The following CARMIL3 variants were observed in gnomAD, a reference collection of about 807,000 sequenced individuals.
CARMIL3 encodes capping protein regulator and myosin 1 linker 3.
Under a neutral mutation model 180.8 loss-of-function variants are expected in CARMIL3, and 88 were observed. That is an observed-to-expected ratio of 0.49 (90% CI 0.41 to 0.58). The LOEUF (loss-of-function observed/expected upper bound fraction) is 0.58. Ranked by LOEUF, CARMIL3 falls within the 20% of genes least tolerant of loss-of-function variation. CARMIL3 has a pLI of 0.00. For missense variants in CARMIL3, 1,548 were observed against 1,787.0 expected (o/e 0.87, Z 2.41); for synonymous variants, 696 against 714.5 (o/e 0.97, Z 0.41).
At chr14:24,067,757 C>A (rs1290619107) in intron 36 of CARMIL3, among the ~76,000 whole-genome samples, 1 of 152,290 alleles carries the variant, frequency 6.6e-6, no homozygotes, top group Non-Finnish European at 1.5e-5. Flanking sequence ...TGCACACACA[C>A]CTCACAGATC....
rs537965460 is a variant in CARMIL3 at position 24,068,923 on chromosome 14, G to A, written c.3939G>A (p.Leu1313=). ...DAAPGVNKPR[L]RLSSQQDQEE... is the part of the protein sequence containing the mutation. ...CTCCAGGAGTCAACAAACCCCGGCT[G>A]AGGCTGAGCTCACAGCAAGACCAAG... The change falls in exon 38 of 40, where the codon CTG becomes CTA. Residue 1313 remains leucine (L), a synonymous_variant. Coordinates refer to ENST00000342740, the MANE Select transcript of CARMIL3 (RefSeq NM_138360.4). 6.3e-7 allele frequency: 1 copy of A among 1,587,578 alleles called. No individual in the cohort carries two copies. Among genetic ancestry groups the A allele is most frequent in the African/African-American group, 1.3e-5 (1 of 74,498 alleles).
rs1295243684 is a variant in CARMIL3, at chr14:24,054,317, T to G, written c.246+16T>G. 1.2e-6 allele frequency: 2 copies of G among 1,614,110 alleles called. No individual in the cohort carries two copies. The highest frequency in any genetic ancestry group is 4.5e-5 in the East Asian group (2 of 44,872). On this transcript the variant is annotated intron_variant, in intron 4 of 39. Coordinates refer to ENST00000342740, the MANE Select transcript of CARMIL3 (RefSeq NM_138360.4). The surrounding 1 kb of genome is among the most constrained non-coding windows in gnomAD (Gnocchi z 5.1). ...TCAGAATCAGGTGAGTACCAGGGCT[T>G]TGGGCCCCACTACTGGGCCAGCTGG... is the stretch of plus-strand genomic sequence containing the variant.
At position 24,065,071 on chromosome 14, in the gene CARMIL3, A is replaced by G. The variant is rs2035771375; in HGVS notation, c.3194A>G (p.Lys1065Arg). ...CACTTTCGCCGGCCCCGGAGCTTCAAGGGGGACAGGGGGCCGGGGTCCCCT... is the reference window on the plus strand; with the variant it reads ...CACTTTCGCCGGCCCCGGAGCTTCAGGGGGGACAGGGGGCCGGGGTCCCCT... ...LFHFRRPRSFKGDRGPGSPTT... is the reference protein window; with the variant it reads ...LFHFRRPRSFRGDRGPGSPTT... Residue 1065 changes from lysine (K) to arginine (R), a missense_variant, in exon 33 of 40, where the codon AAG becomes AGG. Coordinates refer to ENST00000342740, the MANE Select transcript of CARMIL3 (RefSeq NM_138360.4). 1.3e-6 allele frequency: 2 copies of G among 1,592,882 alleles called. No homozygotes were observed. The highest frequency in any genetic ancestry group is 1.4e-5 in the African/African-American group (1 of 73,650).
chr14:24,059,713 A>G lies in CARMIL3; in HGVS notation c.1849A>G (p.Ile617Val), dbSNP rs769512376. ...TACATCTGCCCTGGGCTTCCTGGACATCGCAAGGGCCCTGGAGAGGTGAGT... is the reference window on the plus strand; with the variant it reads ...TACATCTGCCCTGGGCTTCCTGGACGTCGCAAGGGCCCTGGAGAGGTGAGT... ...NNTSALGFLDIARALESNHTL... is the reference protein window; with the variant it reads ...NNTSALGFLDVARALESNHTL... Residue 617 changes from isoleucine (I) to valine (V), a missense_variant, in exon 22 of 40, where the codon ATC becomes GTC. Physicochemically the swap from Ile to Val is conservative, Grantham distance 29. Transcript: ENST00000342740. This position sits in a 1 kb window ranked among gnomAD's most constrained non-coding sequence, Gnocchi z 6.3. The G allele has an allele frequency of 5.6e-6, 9 of 1,614,054 alleles. No individual in the cohort carries two copies. The highest frequency in any genetic ancestry group is 7.6e-6 in the Non-Finnish European group (9 of 1,179,994).
rs1384272046 is a variant in CARMIL3, at chr14:24,059,634, G to A, written c.1800-30G>A. 1 of 1,612,742 alleles carries A rather than the reference G, an allele frequency of 6.2e-7. No homozygotes were observed. On this transcript the variant is annotated intron_variant, in intron 21 of 39. Transcript: ENST00000342740. This position sits in a 1 kb window ranked among gnomAD's most constrained non-coding sequence, Gnocchi z 6.3. Reference sequence around the variant, plus strand: ...CCCTAGTAGGGACCCAGGAGGAGAGGTGCCAAACTGGTGCTTACCCTCCCC... The same window carrying A: ...CCCTAGTAGGGACCCAGGAGGAGAGATGCCAAACTGGTGCTTACCCTCCCC...
At position 24,069,512 on chromosome 14, in the gene CARMIL3, GC is replaced by G. The variant is rs1220841576; in HGVS notation, c.*109del. The G allele has an allele frequency of 1.1e-5, 16 of 1,450,384 alleles. No individual in the cohort carries two copies. In the African/African-American group the frequency reaches 2.1e-4, roughly 19 times the overall value. The allele number at this position is 1,450,384 out of a possible 1,614,324, so 89.8% of individuals were successfully genotyped here. A position where few individuals can be genotyped will look rare whatever the true frequency, so the allele number is the denominator to read the frequency against. On this transcript the variant is annotated 3_prime_UTR_variant, in exon 40 of 40. Coordinates refer to ENST00000342740, the MANE Select transcript of CARMIL3 (RefSeq NM_138360.4). ...CCCTGCCAGCCCCTGTCCTACAGGG[GC>G]AAGACGGCAGGACCAGGCATGGGGG...
intron 10 of CARMIL3, 145 bp downstream of exon 10, chr14:24,055,934 C>G: frequency 1.3e-6 from 1 of 794,240 alleles, no homozygotes; most frequent in Non-Finnish European, 2.1e-6. Flanking sequence ...AAAGAGGGCA[C>G]AAAGCAAGTC....
rs768635047 is a variant in CARMIL3, at chr14:24,054,361, G to A, written c.247-35G>A. On this transcript the variant is annotated intron_variant, in intron 4 of 39. Coordinates refer to ENST00000342740, the MANE Select transcript of CARMIL3 (RefSeq NM_138360.4). This position sits in a 1 kb window ranked among gnomAD's most constrained non-coding sequence, Gnocchi z 5.1. ...CAGCTGGAGGAGGGAGCAGAGAGGA[G>A]GGAGTCTGAGGCTCTGACGCTTCGT... 7 of 1,613,730 alleles carry A rather than the reference G, an allele frequency of 4.3e-6. No homozygotes were observed. In the East Asian group the frequency reaches 1.3e-4, roughly 31 times the overall value.
Position 24,057,884 on chromosome 14 carries a change from G to T in CARMIL3, c.1217+5G>T. 6.2e-7 allele frequency: 1 copy of T among 1,613,096 alleles called. No homozygotes were observed. ...TCGCAACAGCTGCTCCCACAGGTGGGAGAGGAGGGGGAAGGGAGGACAGGG... is the reference window on the plus strand; with the variant it reads ...TCGCAACAGCTGCTCCCACAGGTGGTAGAGGAGGGGGAAGGGAGGACAGGG... On this transcript the variant is annotated splice_donor_5th_base_variant and intron_variant, in intron 15 of 39. Transcript: ENST00000342740.
rs757219939 is a variant in CARMIL3 at position 24,055,138 on chromosome 14, T to A, written c.531+2T>A. The A allele has an allele frequency of 6.2e-7, 1 of 1,613,844 alleles. No individual in the cohort carries two copies. The highest frequency in any genetic ancestry group is 1.1e-5 in the South Asian group (1 of 91,062). On this transcript the variant is annotated splice_donor_variant, in intron 7 of 39. Transcript: ENST00000342740. LOFTEE classifies it high-confidence loss of function. Reference sequence around the variant, plus strand: ...CACTGCCGTGAGGAGGTTCAATGGGTATGTTGGGCAGGGACCCCATAGGGA... The same window carrying A: ...CACTGCCGTGAGGAGGTTCAATGGGAATGTTGGGCAGGGACCCCATAGGGA...
intron 11 of CARMIL3, 54 bp downstream of exon 11, chr14:24,056,447 C>A: frequency 6.4e-7 from 1 of 1,563,922 alleles, no homozygotes. Flanking sequence ...CCTGTCCTAG[C>A]CCAGAGCCCA....
intron 1 of CARMIL3, among the ~76,000 whole-genome samples, chr14:24,052,859 C>G (rs991431483): frequency 6.6e-6 from 1 of 152,186 alleles, no homozygotes; most frequent in Admixed American, 6.5e-5. Flanking sequence ...AGCCCAAACC[C>G]AGGCCCGGCC....
intron 33 of CARMIL3, 22 bp from the exon 34 acceptor site, chr14:24,065,600 T>C: frequency 1.3e-6 from 2 of 1,589,070 alleles, no homozygotes; most frequent in Non-Finnish European, 8.6e-7. Context: ...GAACTGCTAA[T>C]AAATAAGAGA....
chr14:24,063,637 A>G, intron 31 of CARMIL3, 104 bp downstream of exon 31: 1 of 1,159,410 alleles, frequency 8.6e-7, no homozygotes, highest in Non-Finnish European at 1.2e-6. Flanking sequence ...GCCTTGAGGG[A>G]TTGGGCAGGA....
chr14:24,059,932 C>T lies in CARMIL3; in HGVS notation c.1869-38C>T, dbSNP rs769777380. 2.5e-6 allele frequency: 4 copies of T among 1,609,966 alleles called. No homozygotes were observed. In the Admixed American group the frequency reaches 5.0e-5, roughly 20 times the overall value. ...AGAGGAGGCAGGGGCCTCCCATCCT[C>T]ACCTGTTCCCACCCAGCTGTGCCCC... On this transcript the variant is annotated intron_variant, in intron 22 of 39. Coordinates refer to ENST00000342740, the MANE Select transcript of CARMIL3 (RefSeq NM_138360.4). The surrounding 1 kb of genome is among the most constrained non-coding windows in gnomAD (Gnocchi z 6.3).
chr14:24,061,374 G>T lies in CARMIL3; in HGVS notation c.2305-123G>T. 1 of 1,020,836 alleles carries T rather than the reference G, an allele frequency of 9.8e-7. No homozygotes were observed. The highest frequency in any genetic ancestry group is 1.4e-6 in the Non-Finnish European group (1 of 709,786). 63.2% of individuals were successfully genotyped at this position (1,020,836 alleles called of 1,614,324 possible). A position where few individuals can be genotyped will look rare whatever the true frequency, so the allele number is the denominator to read the frequency against. Reference sequence around the variant, plus strand: ...CCAAGGCTCTGCCACTAACAGTTTTGTGACTTAGGCAGGTCCCTCAGTCTC... The same window carrying T: ...CCAAGGCTCTGCCACTAACAGTTTTTTGACTTAGGCAGGTCCCTCAGTCTC... On this transcript the variant is annotated intron_variant, in intron 26 of 39. Transcript: ENST00000342740. This position sits in a 1 kb window ranked among gnomAD's most constrained non-coding sequence, Gnocchi z 4.1.
In CARMIL3 at chr14:24,057,177, GT is replaced by G. The variant is rs766165585; in HGVS notation, c.1076del (p.Phe359SerfsTer67). ...LATDEANALY[S>X]FLAQPNALVH... ...TCCTTCCTACTCCAGGCCCTCTACA[GT>G]TTCCTGGCCCAACCCAACGCCCTGG... On this transcript the variant is annotated frameshift_variant, in exon 14 of 40. Transcript: ENST00000342740. LOFTEE classifies it high-confidence loss of function. 1 of 1,613,994 alleles carries G rather than the reference GT, an allele frequency of 6.2e-7. No homozygotes were observed. The highest frequency in any genetic ancestry group is 8.5e-7 in the Non-Finnish European group (1 of 1,179,928).
chr14:24,055,209 A>C, intron 7 of CARMIL3, 28 bp from the exon 8 acceptor site: 1 of 1,613,978 alleles, frequency 6.2e-7, no homozygotes, highest in Non-Finnish European at 8.5e-7. Flanking sequence ...AGTGGGGAGC[A>C]GGTGTGAGCC....
chr14:24,065,893 C>T (rs1215182430), intron 34 of CARMIL3, 143 bp downstream of exon 34: 123 of 1,213,560 alleles, frequency 1.0e-4, no homozygotes, highest in Middle Eastern at 2.8e-4. Context: ...CTTCAGCCCC[C>T]ACCACACACT....
Sources: allele counts gnomAD v4.1 joint callset (sites outside exome capture counted in the v4.1 genomes callset), GRCh38; gene constraint gnomAD v4.1.1; non-coding constraint Gnocchi (gnomAD v3.1); transcripts MANE v1.5; gene names NCBI Gene and HGNC (gene_info 2026-07-23, HGNC 2026-07-21).